Variants in SORT1 observed in about 807,000 individuals in gnomAD.
SORT1 encodes sortilin 1, also known as sortilin.
SORT1 carries 39 observed loss-of-function variants against 101.7 expected under a neutral mutation model. That is an observed-to-expected ratio of 0.38 (90% CI 0.30 to 0.50). The LOEUF (loss-of-function observed/expected upper bound fraction) is 0.50, where lower values mean the gene tolerates loss of function less well. Among genes scored for constraint, SORT1 ranks in the 20% least tolerant of loss-of-function variants. The pLI is 0.90. For missense variants in SORT1, 878 were observed against 1,040.4 expected (o/e 0.84, Z 2.15); for synonymous variants, 396 against 393.7 (o/e 1.01, Z -0.07).
chr1:109,329,174 G>A (rs2101556688), intron 11 of SORT1, among the ~76,000 whole-genome samples: 1 of 152,288 alleles, frequency 6.6e-6, no homozygotes, highest in East Asian at 1.9e-4. Flanking sequence ...ATGTGTGTAA[G>A]AGGACACATA....
intron 16 of SORT1, among the ~76,000 whole-genome samples, chr1:109,317,414 C>A (rs1017122081): frequency 2.0e-5 from 3 of 152,172 alleles, no homozygotes; most frequent in African/African-American, 7.2e-5. Flanking sequence ...TCATATTGGG[C>A]ACAGCAAATT....
At chr1:109,393,337 G>A in intron 1 of SORT1, 3 of 982,790 alleles carry the variant, frequency 3.1e-6, no homozygotes, top group Non-Finnish European at 3.6e-6. Flanking sequence ...AAGAGTTCCT[G>A]GCTTTATTCA....
intron 5 of SORT1, 53 bp from the exon 6 acceptor site, chr1:109,351,055 CT>C: frequency 9.0e-7 from 1 of 1,112,586 alleles, no homozygotes; most frequent in Non-Finnish European, 1.4e-6. Flanking sequence ...TGTGTAGTTG[CT>C]TGTATGACCT....
chr1:109,354,617 A>T, intron 4 of SORT1, 86 bp from the exon 5 acceptor site: 1 of 1,011,320 alleles, frequency 9.9e-7, no homozygotes, highest in Admixed American at 2.4e-5. Context: ...ACCAGACATT[A>T]GTTAAGAAAT....
chr1:109,334,364 A>AAGG (rs1256424254), intron 11 of SORT1, among the ~76,000 whole-genome samples: 3 of 152,232 alleles, frequency 2.0e-5, no homozygotes, highest in African/African-American at 7.2e-5. Flanking sequence ...CTTAAAAAAG[A>AAGG]AGGAAATCCT....
At chr1:109,346,772 C>T (rs542248932) in intron 7 of SORT1, among the ~76,000 whole-genome samples, 1 of 150,214 alleles carries the variant, frequency 6.7e-6, no homozygotes, top group African/African-American at 2.4e-5. Flanking sequence ...AAAGCCACAG[C>T]ATGCTGCTTT....
chr1:109,310,178 C>CAT lies in SORT1; in HGVS notation c.*3863_*3864dup, dbSNP rs1457776707. 6.6e-6 allele frequency: 1 copy of CAT among 152,584 alleles called. No homozygotes were observed. The highest frequency in any genetic ancestry group is 1.5e-5 in the Non-Finnish European group (1 of 68,032). The allele number at this position is 152,584 out of a possible 1,614,324, so 9.5% of individuals were successfully genotyped here. On this transcript the variant is annotated 3_prime_UTR_variant, in exon 20 of 20. Transcript: ENST00000256637. The stretch of plus-strand genomic sequence containing the variant: ...TTATATATGTATATATGTACACACA[C>CAT]ATATATATAAAGGTACAGATTAGTT...
At position 109,311,687 on chromosome 1, in the gene SORT1, A is replaced by G. The variant is rs1658738584; in HGVS notation, c.*2356T>C. The G allele has an allele frequency of 6.6e-6, 1 of 152,242 alleles. No homozygotes were observed. The highest frequency in any genetic ancestry group is 2.1e-4 in the South Asian group (1 of 4,838). The allele number at this position is 152,242 out of a possible 1,614,324, so 9.4% of individuals were successfully genotyped here. ...TAAAATTCCCATTACTTTTGTTTTC[A>G]GCCATGAAAGACAGGAAAATACAAT... On this transcript the variant is annotated 3_prime_UTR_variant, in exon 20 of 20. Transcript: ENST00000256637.
At chr1:109,382,010 T>C (rs72981196) in intron 1 of SORT1, among the ~76,000 whole-genome samples, 2,689 of 151,718 alleles carry the variant, frequency 0.018, 88 homozygotes, top group African/African-American at 0.062. Flanking sequence ...CCACCTCCAA[T>C]TGGCAGAAAT....
intron 5 of SORT1, among the ~76,000 whole-genome samples, chr1:109,351,446 AG>A (rs1649953967): frequency 6.6e-6 from 1 of 152,214 alleles, no homozygotes; most frequent in South Asian, 2.1e-4. Flanking sequence ...TTAAATGATG[AG>A]CAGTGGGACC....
At chr1:109,394,341 T>C (rs1343884918) in intron 1 of SORT1, among the ~76,000 whole-genome samples, 1 of 152,152 alleles carries the variant, frequency 6.6e-6, no homozygotes, top group Non-Finnish European at 1.5e-5. Flanking sequence ...AGGACTTCTA[T>C]GTGAAAAAAT....
intron 1 of SORT1, among the ~76,000 whole-genome samples, chr1:109,376,326 A>T (rs1011377821): frequency 9.8e-6 from 1 of 102,402 alleles, no homozygotes; most frequent in Non-Finnish European, 2.1e-5. Flanking sequence ...GGGAGACTCC[A>T]TCTCAAAAAA....
intron 3 of SORT1, among the ~76,000 whole-genome samples, chr1:109,366,042 G>A (rs1477414428): frequency 5.9e-5 from 9 of 152,114 alleles, no homozygotes; most frequent in Admixed American, 3.9e-4. Flanking sequence ...ATCATCTGCT[G>A]GTATGTCATT....
intron 10 of SORT1, 143 bp downstream of exon 10, chr1:109,340,581 A>G: frequency 1.2e-6 from 1 of 818,982 alleles, no homozygotes; most frequent in Non-Finnish European, 1.9e-6. Flanking sequence ...CCACAATAAA[A>G]AAAAAAAAGG....
chr1:109,358,509 C>T (rs1650481636), intron 3 of SORT1, among the ~76,000 whole-genome samples: 1 of 152,082 alleles, frequency 6.6e-6, no homozygotes, highest in Non-Finnish European at 1.5e-5. Flanking sequence ...TTATGAACAG[C>T]CGTCGAATGA....
intron 3 of SORT1, among the ~76,000 whole-genome samples, chr1:109,358,725 G>A (rs1040489196): frequency 5.9e-5 from 9 of 152,000 alleles, no homozygotes; most frequent in Non-Finnish European, 1.0e-4. Context: ...ATGGTGGCAC[G>A]CGCCTGAAAT....
At chr1:109,337,680 C>T (rs564628785) in intron 10 of SORT1, among the ~76,000 whole-genome samples, 10 of 151,238 alleles carry the variant, frequency 6.6e-5, no homozygotes, top group African/African-American at 2.4e-4. Flanking sequence ...CAGGCTGGAG[C>T]GCAGTGGCAC....
chr1:109,380,813 CAAAAAAA>C (rs60568166), intron 1 of SORT1, among the ~76,000 whole-genome samples: 229 of 49,206 alleles, frequency 4.7e-3, no homozygotes, highest in Middle Eastern at 0.045. Flanking sequence ...CCTGTCGCCA[CAAAAAAA>C]AAAAAAAAAA....
Position 109,313,757 on chromosome 1 carries a change from AAAAAC to A in SORT1, c.*281_*285del. ...TTCCATTTCGTTTCCCTTAAAAAAC[AAAAAC>A]AAAAAAGCCCATACTTTGCAAAGAG... On this transcript the variant is annotated 3_prime_UTR_variant, in exon 20 of 20. Coordinates refer to ENST00000256637, the MANE Select transcript of SORT1 (RefSeq NM_002959.7). The A allele has an allele frequency of 2.5e-6, 1 of 398,130 alleles. No homozygotes were observed. Among genetic ancestry groups the A allele is most frequent in the Non-Finnish European group, 4.3e-6 (1 of 234,440 alleles). 24.7% of individuals were successfully genotyped at this position (398,130 alleles called of 1,614,324 possible).
Sources: gnomAD v4.1 joint callset for allele counts (sites outside exome capture counted in the v4.1 genomes callset) on GRCh38, gnomAD v4.1.1 for gene constraint, MANE v1.5 for transcripts, NCBI Gene and HGNC (gene_info 2026-07-23, HGNC 2026-07-21) for gene names.